FAM81A: variants seen among roughly 807,000 people sequenced by gnomAD.
The protein encoded by FAM81A is protein FAM81A.
A neutral mutation model predicts 46.7 loss-of-function variants in FAM81A; 19 were observed. The observed-to-expected ratio is 0.41, with a 90% confidence interval of 0.28 to 0.60. The LOEUF (loss-of-function observed/expected upper bound fraction) is 0.60, where lower values mean the gene tolerates loss of function less well. FAM81A is among the 20% of genes least tolerant of loss of function. The pLI, the probability that FAM81A is intolerant of heterozygous loss-of-function variation, is 0.34. For missense variants in FAM81A, 377 were observed against 453.5 expected (o/e 0.83, Z 1.53); for synonymous variants, 183 against 152.9 (o/e 1.20, Z -1.45).
rs779973227 is a variant in FAM81A at position 59,516,597 on chromosome 15, A to G, written c.787-48A>G. 1.9e-5 allele frequency: 30 copies of G among 1,562,370 alleles called. No individual in the cohort carries two copies. The Admixed American group carries it at 6.1e-4, about 32-fold the overall frequency. ...ATTATGGCTGATGTGAATGCAATGC[A>G]GATTTCTTTTTGGAGTGATTAAGTG... On this transcript the variant is annotated intron_variant, in intron 7 of 8. Transcript: ENST00000288228.
intron 2 of FAM81A, among the ~76,000 whole-genome samples, chr15:59,410,603 G>A (rs2081116287): frequency 6.6e-6 from 1 of 152,206 alleles, no homozygotes; most frequent in African/African-American, 2.4e-5. Flanking sequence ...GTGACCCAGA[G>A]CCAACAGAGA....
rs370115932 is a variant in FAM81A at position 59,521,664 on chromosome 15, A to G, written c.*286A>G. The G allele has an allele frequency of 8.1e-6, 2 of 247,970 alleles. No individual in the cohort carries two copies. 15.4% of individuals were successfully genotyped at this position (247,970 alleles called of 1,614,324 possible). A position where few individuals can be genotyped will look rare whatever the true frequency, so the allele number is the denominator to read the frequency against. On this transcript the variant is annotated 3_prime_UTR_variant, in exon 9 of 9. Coordinates refer to ENST00000288228, the MANE Select transcript of FAM81A (RefSeq NM_152450.3). ...TTTATCTTCTTCATTTTACGAATGG[A>G]AAGACGACAATTTTTCTTCAATGCT...
chr15:59,459,924 C>T lies in FAM81A; in HGVS notation c.21-9C>T. 1 of 1,585,194 alleles carries T rather than the reference C, an allele frequency of 6.3e-7. No homozygotes were observed. Among genetic ancestry groups the T allele is most frequent in the Non-Finnish European group, 8.6e-7 (1 of 1,163,444 alleles). On this transcript the variant is annotated splice_polypyrimidine_tract_variant and intron_variant, in intron 2 of 8. Coordinates refer to ENST00000288228, the MANE Select transcript of FAM81A (RefSeq NM_152450.3). Reference sequence around the variant, plus strand: ...CCCAATTAACAACCCTCATGGTTCCCTTCTGCAGGCGAGTGAGAACCATGC... The same window carrying T: ...CCCAATTAACAACCCTCATGGTTCCTTTCTGCAGGCGAGTGAGAACCATGC...
intron 1 of FAM81A, chr15:59,401,745 C>T: frequency 1.3e-6 from 1 of 766,050 alleles, no homozygotes; most frequent in Non-Finnish European, 2.4e-6. Flanking sequence ...TAGGCAGGTA[C>T]TGCTCCCTGT....
intron 2 of FAM81A, among the ~76,000 whole-genome samples, chr15:59,403,017 G>A (rs532204431): frequency 1.3e-5 from 2 of 151,358 alleles, no homozygotes; most frequent in Non-Finnish European, 2.9e-5. Flanking sequence ...TATTGCCGAT[G>A]TAGAGGAACG....
chr15:59,457,033 A>G (rs142584548), intron 1 of FAM81A, among the ~76,000 whole-genome samples: 7 of 152,342 alleles, frequency 4.6e-5, no homozygotes, highest in African/African-American at 1.7e-4. Context: ...GATGTCTTAC[A>G]ACTTTAAAAC....
In FAM81A at chr15:59,407,085, T is replaced by A. The variant is rs540560593; in HGVS notation, c.-78+4727T>A. 3.1e-5 allele frequency: 5 copies of A among 159,174 alleles called. No homozygotes were observed. In the South Asian group the frequency reaches 8.6e-4, roughly 28 times the overall value. The allele number at this position is 159,174 out of a possible 1,614,324, so 9.9% of individuals were successfully genotyped here. ...ATGGATCTCATCGTATCTGCTGTTC[T>A]AATTGGTTCTGATGGCTTCCTCCAG... On this transcript the variant is annotated intron_variant, in intron 2 of 4. Transcript: ENST00000558348.
At chr15:59,515,190 AG>A (rs2082253981) in intron 7 of FAM81A, among the ~76,000 whole-genome samples, 1 of 152,156 alleles carries the variant, frequency 6.6e-6, no homozygotes, top group Non-Finnish European at 1.5e-5. Flanking sequence ...AACTGCAGTG[AG>A]GTATGACTGC....
chr15:59,468,324 A>G (rs1476137668), intron 3 of FAM81A, among the ~76,000 whole-genome samples: 1 of 152,172 alleles, frequency 6.6e-6, no homozygotes, highest in Admixed American at 6.5e-5. Flanking sequence ...TTCGGCTGTG[A>G]ATCCGTCTGG....
At chr15:59,437,934 C>A (rs947722009), upstream of FAM81A, among the ~76,000 whole-genome samples, 3 of 152,010 alleles carry the variant, frequency 2.0e-5, no homozygotes, top group East Asian at 1.9e-4. Context: ...ACAGCAGCGA[C>A]GAGCAGAGGC....
Position 59,514,171 on chromosome 15 carries a change from T to A in FAM81A, c.651-118T>A. 3 of 1,050,596 alleles carry A rather than the reference T, an allele frequency of 2.9e-6. 1 individual carries two copies. In the Admixed American group the frequency reaches 8.9e-5, roughly 31 times the overall value. The allele number at this position is 1,050,596 out of a possible 1,614,324, so 65.1% of individuals were successfully genotyped here. On this transcript the variant is annotated intron_variant, in intron 6 of 8. Coordinates refer to ENST00000288228, the MANE Select transcript of FAM81A (RefSeq NM_152450.3). ...GGTTGACAGATGCAGCAAACCACCA[T>A]GGCACATGTTTACCTGTGTAACAAA... is the stretch of plus-strand genomic sequence containing the variant.
intron 1 of FAM81A, chr15:59,401,810 G>C: frequency 1.4e-6 from 1 of 706,404 alleles, no homozygotes; most frequent in Non-Finnish European, 2.6e-6. Flanking sequence ...CATGCATCTT[G>C]ATAGTCTTTT....
At chr15:59,518,459 G>A (rs1319868837) in intron 8 of FAM81A, among the ~76,000 whole-genome samples, 1 of 152,008 alleles carries the variant, frequency 6.6e-6, no homozygotes, top group Non-Finnish European at 1.5e-5. Context: ...CTAGGACTAT[G>A]GGCATGTGCC....
intron 2 of FAM81A, among the ~76,000 whole-genome samples, chr15:59,426,560 C>T (rs562129177): frequency 2.0e-5 from 3 of 152,330 alleles, no homozygotes; most frequent in East Asian, 1.9e-4. Flanking sequence ...TGCGGTGAAC[C>T]GAGATTGCGC....
At chr15:59,510,365 T>C (rs1425189742) in intron 6 of FAM81A, among the ~76,000 whole-genome samples, 3 of 129,996 alleles carry the variant, frequency 2.3e-5, no homozygotes, top group Admixed American at 7.8e-5. Flanking sequence ...TAGGACTCTG[T>C]CTCAAAAAAA....
chr15:59,452,763 A>G (rs991539078), intron 1 of FAM81A, among the ~76,000 whole-genome samples: 6 of 152,146 alleles, frequency 3.9e-5, no homozygotes, highest in African/African-American at 1.4e-4. Flanking sequence ...GTATTATTAT[A>G]TTATATTATT....
In FAM81A at chr15:59,507,295, G is replaced by A. The variant is rs757159239; in HGVS notation, c.496G>A (p.Ala166Thr). 5.0e-6 allele frequency: 8 copies of A among 1,612,398 alleles called. No homozygotes were observed. The South Asian group carries it at 5.5e-5, about 11-fold the overall frequency. ...GLQHLNKEQQ[A>T]AKLILETKIK... ...CCAGCACTTGAACAAAGAACAGCAGGCTGCCAAACTTATCTTGGAAACGAA... is the reference window on the plus strand; with the variant it reads ...CCAGCACTTGAACAAAGAACAGCAGACTGCCAAACTTATCTTGGAAACGAA... Residue 166 changes from alanine (A) to threonine (T), a missense_variant, in exon 5 of 9, where the codon GCT (alanine) becomes ACT (threonine). Ala to Thr is a moderately conservative substitution (Grantham distance 58). Transcript: ENST00000288228.
At chr15:59,470,278 G>A (rs2081668883) in intron 3 of FAM81A, among the ~76,000 whole-genome samples, 1 of 152,110 alleles carries the variant, frequency 6.6e-6, no homozygotes, top group South Asian at 2.1e-4. Flanking sequence ...AATTCTCCTG[G>A]ATGATATCCT....
At chr15:59,515,059 A>G (rs1054112973) in intron 7 of FAM81A, among the ~76,000 whole-genome samples, 3 of 152,074 alleles carry the variant, frequency 2.0e-5, no homozygotes, top group African/African-American at 4.8e-5. Context: ...AGCCTGGGAA[A>G]CATGGTGAAA....
Sources: allele counts gnomAD v4.1 joint callset (sites outside exome capture counted in the v4.1 genomes callset), GRCh38; gene constraint gnomAD v4.1.1; transcripts MANE v1.5; gene names NCBI Gene and HGNC (gene_info 2026-07-23, HGNC 2026-07-21).